Variants in EPPK1 observed in about 807,000 individuals in gnomAD.
The protein encoded by EPPK1 is epiplakin 1.
For missense variants in EPPK1, 3,823 were observed against 3,673.3 expected (o/e 1.04, Z -1.05); for synonymous variants, 1,862 against 1,721.2 (o/e 1.08, Z -2.03).
At position 143,870,895 on chromosome 8, in the gene EPPK1, G is replaced by T. The variant is rs782802033; in HGVS notation, c.2359C>A (p.Arg787Ser). 1.9e-6 allele frequency: 3 copies of T among 1,612,912 alleles called. No homozygotes were observed. The African/African-American group carries it at 4.0e-5, about 22-fold the overall frequency. Residue 787 changes from arginine (R) to serine (S), a missense_variant, in exon 2 of 2, where the codon CGT becomes AGT. Transcript: ENST00000615648. This position sits in a 1 kb window ranked among gnomAD's most constrained non-coding sequence, Gnocchi z 5.2. Reference sequence around the variant, plus strand: ...AGGTACAGGCCCGTCTCGGGGTCACGCACACAGCGCTCCAGAAGCTGCAGG... The same window carrying T: ...AGGTACAGGCCCGTCTCGGGGTCACTCACACAGCGCTCCAGAAGCTGCAGG... ...TYLQLLERCVRDPETGLYLLP... is the reference protein window; with the variant it reads ...TYLQLLERCVSDPETGLYLLP...
Position 143,869,680 on chromosome 8 carries a change from C to G in EPPK1, c.3574G>C (p.Ala1192Pro), listed in dbSNP as rs1554660464. The G allele has an allele frequency of 1.3e-6, 2 of 1,596,386 alleles. No homozygotes were observed. The highest frequency in any genetic ancestry group is 1.7e-6 in the Non-Finnish European group (2 of 1,172,532). ...WVQETKLLAQ[A>P]RVMVPGPRGE... ...CGTGGGCCGGGCACCATGACGCGGG[C>G]CTGGGCCAGGAGCTTGGTCTCCTGT... The change falls in exon 2 of 2, where the codon GCC (alanine) becomes CCC (proline). Residue 1192 changes from alanine to proline, a missense_variant. Physicochemically the swap from Ala to Pro is conservative, Grantham distance 27 (BLOSUM62 -1). Transcript: ENST00000615648.
chr8:143,872,877 T>A lies in EPPK1; in HGVS notation c.377A>T (p.Tyr126Phe). ...AAAGAGGGCCAGCTTCTCACCGCCG[T>A]AGGGGTCAGGATAGCCCGTAGTGGC... The part of the protein sequence containing the change: ...ERATTGYPDP[Y>F]GGEKLALFQA... The change falls in exon 2 of 2, where the codon TAC becomes TTC. Residue 126 changes from tyrosine to phenylalanine, a missense_variant. Coordinates refer to ENST00000615648, the MANE Select transcript of EPPK1 (RefSeq NM_031308.4). The A allele has an allele frequency of 1.3e-6, 2 of 1,589,260 alleles. No individual in the cohort carries two copies. The highest frequency in any genetic ancestry group is 1.7e-6 in the Non-Finnish European group (2 of 1,167,920).
chr8:143,864,046 C>T lies in EPPK1; in HGVS notation c.9208G>A (p.Val3070Met). ...VKVGRLRGRA[V>M]PVWDVLASGY... The stretch of plus-strand genomic sequence containing the variant: ...GACGCCAGCACGTCCCACACGGGCA[C>T]CGCGCGCCCCCGGAGGCGGCCCACC... The change falls in exon 2 of 2, where the codon GTG (valine) becomes ATG (methionine). Residue 3070 changes from valine (V) to methionine (M), a missense_variant. Val to Met is a conservative substitution (Grantham distance 21). Coordinates refer to ENST00000615648, the MANE Select transcript of EPPK1 (RefSeq NM_031308.4). The T allele has an allele frequency of 5.6e-6, 1 of 178,698 alleles. No homozygotes were observed. The highest frequency in any genetic ancestry group is 1.1e-5 in the Non-Finnish European group (1 of 91,900). 11.1% of individuals were successfully genotyped at this position (178,698 alleles called of 1,614,324 possible). A position where few individuals can be genotyped will look rare whatever the true frequency, so the allele number is the denominator to read the frequency against.
Position 143,869,981 on chromosome 8 carries a change from C to T in EPPK1, c.3273G>A (p.Gly1091=). ...CCAGGAGCTGGGCATAGCTCGTGCG[C>T]CCCTGGCCGTCCGGTGTGGGGAAGG... ...SETFPTPDGQ[G]RTSYAQLLEE... Residue 1091 remains glycine, a synonymous_variant, in exon 2 of 2, where the codon GGG becomes GGA. Coordinates refer to ENST00000615648, the MANE Select transcript of EPPK1 (RefSeq NM_031308.4). 1 of 1,607,408 alleles carries T rather than the reference C, an allele frequency of 6.2e-7. No individual in the cohort carries two copies. The highest frequency in any genetic ancestry group is 2.2e-5 in the East Asian group (1 of 44,778).
chr8:143,874,286 C>T (rs1554662071), intron 1 of EPPK1, among the ~76,000 whole-genome samples: 1 of 152,264 alleles, frequency 6.6e-6, no homozygotes, highest in African/African-American at 2.4e-5. Context: ...CTGTCCCCTT[C>T]TGCACCAGAT....
chr8:143,870,356 G>A lies in EPPK1; in HGVS notation c.2898C>T (p.Ala966=). Residue 966 remains alanine (A), a synonymous_variant, in exon 2 of 2, where the codon GCC becomes GCT. Coordinates refer to ENST00000615648, the MANE Select transcript of EPPK1 (RefSeq NM_031308.4). The surrounding 1 kb of genome is among the most constrained non-coding windows in gnomAD (Gnocchi z 5.2). ...GPRVALALLE[A]QAATGTIMDP... is the part of the protein sequence containing the mutation. ...CCATGATGGTTCCGGTGGCCGCCTG[G>A]GCCTCCAGCAGGGCCAGGGCCACCC... 2 of 1,561,476 alleles carry A rather than the reference G, an allele frequency of 1.3e-6. No individual in the cohort carries two copies. Among genetic ancestry groups the A allele is most frequent in the Non-Finnish European group, 1.7e-6 (2 of 1,158,826 alleles).
rs1323173992 is a variant in EPPK1 at position 143,867,323 on chromosome 8, G to T, written c.5931C>A (p.Gly1977=). The T allele has an allele frequency of 4.3e-6, 7 of 1,612,726 alleles. No individual in the cohort carries two copies. Among genetic ancestry groups the T allele is most frequent in the African/African-American group, 1.3e-5 (1 of 75,014 alleles). ...TGTCTCCTGTGGCCGGATCCCTGTA[G>T]CCCGTGGCAGCTCTTTCAGCCTTCA... The part of the protein sequence containing the change: ...RLLKAERAAT[G]YRDPATGDTI... The change falls in exon 2 of 2, where the codon GGC becomes GGA. Residue 1977 remains glycine (G), a synonymous_variant. Transcript: ENST00000615648.
At chr8:143,873,996 A>C (rs776110002) in intron 1 of EPPK1, among the ~76,000 whole-genome samples, 1 of 152,076 alleles carries the variant, frequency 6.6e-6, no homozygotes, top group Non-Finnish European at 1.5e-5. Flanking sequence ...CCTGGATCTC[A>C]CATCTGCGAG....
In EPPK1 at chr8:143,878,444, G is replaced by GCCGCA; in HGVS notation, c.-53_-52insTGCGG. 1.1e-5 allele frequency: 1 copy of GCCGCA among 93,928 alleles called. No individual in the cohort carries two copies. The allele number at this position is 93,928 out of a possible 1,614,324, so 5.8% of individuals were successfully genotyped here. A position where few individuals can be genotyped will look rare whatever the true frequency, so the allele number is the denominator to read the frequency against. Reference sequence around the variant, plus strand: ...CCCGCCGCACCCGCCGCACCTGCCCGCTCGCCGCTCGGTCCGCAGTGTCTC... The same window carrying GCCGCA: ...CCCGCCGCACCCGCCGCACCTGCCCGCCGCACTCGCCGCTCGGTCCGCAGTGTCTC... On this transcript the variant is annotated 5_prime_UTR_variant, in exon 1 of 2. Transcript: ENST00000615648.
At position 143,872,059 on chromosome 8, in the gene EPPK1, G is replaced by T; in HGVS notation, c.1195C>A (p.Leu399Met). 1 of 1,561,108 alleles carries T rather than the reference G, an allele frequency of 6.4e-7. No individual in the cohort carries two copies. Among genetic ancestry groups the T allele is most frequent in the Non-Finnish European group, 8.7e-7 (1 of 1,153,310 alleles). Residue 399 changes from leucine to methionine, a missense_variant, in exon 2 of 2, where the codon CTG (leucine) becomes ATG (methionine). Coordinates refer to ENST00000615648, the MANE Select transcript of EPPK1 (RefSeq NM_031308.4). ...PLALRLLDAQ[L>M]ATGGLVCPAR... ...GGACAGACCAGCCCGCCTGTGGCCA[G>T]CTGGGCATCCAAGAGCCGCAGTGCC...
At chr8:143,879,169 G>T (rs1554662827), upstream of EPPK1, among the ~76,000 whole-genome samples, 1 of 152,180 alleles carries the variant, frequency 6.6e-6, no homozygotes, top group Non-Finnish European at 1.5e-5. Flanking sequence ...CCTCAGCCTG[G>T]CACGGGAACC....
rs1230172972 is a variant in EPPK1 at position 143,867,111 on chromosome 8, T to C, written c.6143A>G (p.Lys2048Arg). Residue 2048 changes from lysine to arginine, a missense_variant, in exon 2 of 2, where the codon AAG (lysine) becomes AGG (arginine). Physicochemically the swap from Lys to Arg is conservative, Grantham distance 26. Coordinates refer to ENST00000615648, the MANE Select transcript of EPPK1 (RefSeq NM_031308.4). ...GTCCACAAACCGTTTCCTCATGTGCTTCTGGTCGGAAATGAGCGCATAGAT... is the reference window on the plus strand; with the variant it reads ...GTCCACAAACCGTTTCCTCATGTGCCTCTGGTCGGAAATGAGCGCATAGAT... ...KDIYALISDQ[K>R]HMRKRFVDPN... The C allele has an allele frequency of 6.2e-7, 1 of 1,612,888 alleles. No individual in the cohort carries two copies. The highest frequency in any genetic ancestry group is 1.3e-5 in the African/African-American group (1 of 74,910).
At chr8:143,879,023 G>A (rs1408285707), upstream of EPPK1, among the ~76,000 whole-genome samples, 3 of 152,184 alleles carry the variant, frequency 2.0e-5, no homozygotes, top group African/African-American at 4.8e-5. Flanking sequence ...CCTGGGCACA[G>A]AGAATGTTCC....
Position 143,878,419 on chromosome 8 carries a change from C to CCCGCCGCAT in EPPK1, c.-46+18_-46+19insATGCGGCGG, listed in dbSNP as rs1386002970. ...GCCCGCACCCGCCGCACCCGCCGCA[C>CCCGCCGCAT]CCGCCGCACCCGCCGCACCTGCCCG... is the stretch of plus-strand genomic sequence containing the variant. On this transcript the variant is annotated intron_variant, in intron 1 of 1. Coordinates refer to ENST00000615648, the MANE Select transcript of EPPK1 (RefSeq NM_031308.4). 1.4e-5 allele frequency: 2 copies of CCCGCCGCAT among 140,968 alleles called. No homozygotes were observed. The highest frequency in any genetic ancestry group is 4.1e-4 in the East Asian group (2 of 4,910). 8.7% of individuals were successfully genotyped at this position (140,968 alleles called of 1,614,324 possible). A position where few individuals can be genotyped will look rare whatever the true frequency, so the allele number is the denominator to read the frequency against.
At position 143,872,640 on chromosome 8, in the gene EPPK1, G is replaced by A. The variant is rs372690268; in HGVS notation, c.614C>T (p.Thr205Met). Residue 205 changes from threonine (T) to methionine (M), a missense_variant, in exon 2 of 2, where the codon ACG (threonine) becomes ATG (methionine). Physicochemically the swap from Thr to Met is moderately conservative, Grantham distance 81 (BLOSUM62 -1). Coordinates refer to ENST00000615648, the MANE Select transcript of EPPK1 (RefSeq NM_031308.4). The part of the protein sequence containing the change: ...TGDLRFLDPN[T>M]LERLTYHQLL... The stretch of plus-strand genomic sequence containing the variant: ...CTGGTGGTATGTCAGCCGCTCCAGC[G>A]TGTTGGGGTCGAGGAAGCGCAGGTC... The A allele has an allele frequency of 2.6e-5, 42 of 1,609,992 alleles. No individual in the cohort carries two copies. Among genetic ancestry groups the A allele is most frequent in the African/African-American group, 1.1e-4 (8 of 75,064 alleles).
rs1819201109 is a variant in EPPK1 at position 143,868,117 on chromosome 8, C to T, written c.5137G>A (p.Glu1713Lys). Residue 1713 changes from glutamate to lysine, a missense_variant, in exon 2 of 2, where the codon GAG becomes AAG. By Grantham distance (56) the Glu-to-Lys change is moderately conservative. Coordinates refer to ENST00000615648, the MANE Select transcript of EPPK1 (RefSeq NM_031308.4). Reference sequence around the variant, plus strand: ...GGGTCCGCCAGGATGCGGTTCATCTCCTCGTCGAAGTAGCCGCAGCGGTAG... The same window carrying T: ...GGGTCCGCCAGGATGCGGTTCATCTTCTCGTCGAAGTAGCCGCAGCGGTAG... ...VAYRCGYFDEEMNRILADPSD... is the reference protein window; with the variant it reads ...VAYRCGYFDEKMNRILADPSD... The T allele has an allele frequency of 6.2e-7, 1 of 1,613,276 alleles. No individual in the cohort carries two copies.
In EPPK1 at chr8:143,867,150, C is replaced by T. The variant is rs1819151815; in HGVS notation, c.6104G>A (p.Cys2035Tyr). 3 of 1,612,774 alleles carry T rather than the reference C, an allele frequency of 1.9e-6. No individual in the cohort carries two copies. Among genetic ancestry groups the T allele is most frequent in the South Asian group, 1.1e-5 (1 of 91,050 alleles). Residue 2035 changes from cysteine to tyrosine, a missense_variant, in exon 2 of 2, where the codon TGT (cysteine) becomes TAT (tyrosine). Coordinates refer to ENST00000615648, the MANE Select transcript of EPPK1 (RefSeq NM_031308.4). ...LPLETAYRRG[C>Y]LHKDIYALIS... is the part of the protein sequence containing the mutation. ...GAGCGCATAGATGTCCTTGTGCAGA[C>T]AGCCCCGTCTGTAGGCTGTTTCCAG... is the stretch of plus-strand genomic sequence containing the variant.
chr8:143,877,397 C>T (rs925127971), intron 1 of EPPK1, among the ~76,000 whole-genome samples: 21 of 152,056 alleles, frequency 1.4e-4, no homozygotes, highest in African/African-American at 4.1e-4. Context: ...TAGGAGAGCA[C>T]GGGGTCAGGG....
In EPPK1 at chr8:143,857,896, C is replaced by CAAAAAA. The variant is rs35186960; in HGVS notation, c.*85_*90dup. The CAAAAAA allele has an allele frequency of 6.9e-4, 300 of 437,578 alleles. No individual in the cohort carries two copies. Among genetic ancestry groups the CAAAAAA allele is most frequent in the South Asian group, 2.4e-3 (55 of 22,832 alleles). The allele number at this position is 437,578 out of a possible 1,614,324, so 27.1% of individuals were successfully genotyped here. Reference sequence around the variant, plus strand: ...GTAAAACAACAAAATTAAAGAATGACAAAAAAAAAAAAAAAAAAAAAAACA... The same window carrying CAAAAAA: ...GTAAAACAACAAAATTAAAGAATGACAAAAAAAAAAAAAAAAAAAAAAAAAAAAACA... On this transcript the variant is annotated 3_prime_UTR_variant, in exon 2 of 2. Coordinates refer to ENST00000615648, the MANE Select transcript of EPPK1 (RefSeq NM_031308.4).
Sources: gnomAD v4.1 joint callset for allele counts (sites outside exome capture counted in the v4.1 genomes callset) on GRCh38, gnomAD v4.1.1 for gene constraint, Gnocchi (gnomAD v3.1) non-coding constraint, MANE v1.5 for transcripts, NCBI Gene and HGNC (gene_info 2026-07-23, HGNC 2026-07-21) for gene names.